The following IFT56 variants were observed in gnomAD, a reference collection of about 807,000 sequenced individuals.
The protein encoded by IFT56 is intraflagellar transport protein 56.
the IFT56 span, chr7:139,187,331 T>C: frequency 2.6e-6 from 4 of 1,552,258 alleles, no homozygotes; most frequent in Admixed American, 3.6e-5. Context: ...TCCCGTTTCA[T>C]GTTATCTTTA....
At chr7:139,161,080 C>A in the IFT56 span, 1 of 1,422,902 alleles carries the variant, frequency 7.0e-7, no homozygotes, top group Non-Finnish European at 9.8e-7. Context: ...TGGTACATCA[C>A]AGCAATTAGA....
At chr7:139,157,949 G>A in the IFT56 span, among the ~76,000 whole-genome samples, 2,461 of 152,208 alleles carry the variant, frequency 0.016, 66 homozygotes, top group African/African-American at 0.056. Flanking sequence ...TTGCAGTGGG[G>A]TGACAGGGAC....
chr7:139,172,071 A>G, the IFT56 span, among the ~76,000 whole-genome samples: 1 of 152,172 alleles, frequency 6.6e-6, no homozygotes, highest in African/African-American at 2.4e-5. Context: ...TTCCAAGTAC[A>G]AACTAAACCT....
chr7:139,183,310 C>T, the IFT56 span, among the ~76,000 whole-genome samples: 2 of 152,004 alleles, frequency 1.3e-5, no homozygotes, highest in South Asian at 2.1e-4. Context: ...AGGAGTCATA[C>T]GACTCAACAT....
the IFT56 span, chr7:139,172,850 C>T: frequency 1.5e-6 from 1 of 678,666 alleles, no homozygotes; most frequent in Non-Finnish European, 2.8e-6. Flanking sequence ...ACTGTACTTC[C>T]TTCCTTGCTA....
At chr7:139,154,843 A>G in the IFT56 span, among the ~76,000 whole-genome samples, 1 of 152,150 alleles carries the variant, frequency 6.6e-6, no homozygotes, top group African/African-American at 2.4e-5. Context: ...TGAATTTTAG[A>G]ATCAGCTTAT....
chr7:139,148,825 G>A, the IFT56 span, among the ~76,000 whole-genome samples: 1 of 151,780 alleles, frequency 6.6e-6, no homozygotes, highest in Admixed American at 6.6e-5. Context: ...GGGGTTCGGG[G>A]GGCGGGTGGA....
At chr7:139,148,283 T>C in the IFT56 span, 1 of 1,614,108 alleles carries the variant, frequency 6.2e-7, no homozygotes, top group Non-Finnish European at 8.5e-7. Context: ...CAAGAAGTTT[T>C]GGCTGTTTAC....
the IFT56 span, chr7:139,172,563 C>T: frequency 0.1 from 55,785 of 545,730 alleles, 6,688 homozygotes; most frequent in Admixed American, 0.32. Context: ...TCACAGGCAG[C>T]GACACAAGCT....
chr7:139,162,888 G>A, the IFT56 span, among the ~76,000 whole-genome samples: 2 of 151,880 alleles, frequency 1.3e-5, no homozygotes, highest in African/African-American at 2.4e-5. Context: ...GAATCCAGGA[G>A]GTGAAGCTTG....
the IFT56 span, chr7:139,172,855 T>C: frequency 1.5e-6 from 1 of 681,236 alleles, no homozygotes; most frequent in Admixed American, 1.8e-5. Flanking sequence ...ACTTCCTTCC[T>C]TGCTAGGAGT....
the IFT56 span, chr7:139,173,254 T>C: frequency 2.3e-6 from 1 of 437,038 alleles, no homozygotes; most frequent in South Asian, 3.6e-5. Context: ...TGAGATGGAG[T>C]CTCGCTCTTG....
At chr7:139,141,185 C>T in the IFT56 span, among the ~76,000 whole-genome samples, 5 of 148,924 alleles carry the variant, frequency 3.4e-5, no homozygotes, top group East Asian at 2.1e-4. Flanking sequence ...GGTGTGAACG[C>T]GGGAGGCGGA....
At chr7:139,159,100 G>T in the IFT56 span, among the ~76,000 whole-genome samples, 1 of 152,056 alleles carries the variant, frequency 6.6e-6, no homozygotes, top group East Asian at 1.9e-4. Flanking sequence ...TGGTGCAAAG[G>T]TTATCTTAAA....
chr7:139,180,064 G>A, the IFT56 span, among the ~76,000 whole-genome samples: 1 of 152,202 alleles, frequency 6.6e-6, no homozygotes, highest in African/African-American at 2.4e-5. Context: ...TAGGCCGGGC[G>A]CGGTGGCTCA....
At chr7:139,185,453 A>T in the IFT56 span, among the ~76,000 whole-genome samples, 5 of 152,058 alleles carry the variant, frequency 3.3e-5, no homozygotes, top group African/African-American at 4.8e-5. Flanking sequence ...AAATAAAAAA[A>T]TTTTTTAAAT....
the IFT56 span, chr7:139,137,756 G>A: frequency 1.2e-6 from 1 of 865,304 alleles, no homozygotes; most frequent in South Asian, 1.6e-5. Context: ...TAGATTGCCT[G>A]TTGTCAGTAA....
chr7:139,134,323 G>A, the IFT56 span, among the ~76,000 whole-genome samples: 1 of 150,976 alleles, frequency 6.6e-6, no homozygotes, highest in Admixed American at 6.6e-5. Context: ...CCAGGTTGGA[G>A]TGCAGTGGCG....
the IFT56 span, chr7:139,189,246 C>A: frequency 9.2e-7 from 1 of 1,090,872 alleles, no homozygotes; most frequent in Non-Finnish European, 1.3e-6. Context: ...GTATGAAGGA[C>A]AGTTCAGAGT....
Sources: gnomAD v4.1 joint callset for allele counts (sites outside exome capture counted in the v4.1 genomes callset) on GRCh38, gnomAD v4.1.1 for gene constraint, MANE v1.5 for transcripts, NCBI Gene and HGNC (gene_info 2026-07-23, HGNC 2026-07-21) for gene names.